KLHL3: variants seen among roughly 807,000 people sequenced by gnomAD.
KLHL3 encodes the protein kelch-like protein 3.
KLHL3 carries 19 observed loss-of-function variants against 70.5 expected under a neutral mutation model. The observed-to-expected ratio is 0.27, with a 90% CI of 0.19 to 0.40. The LOEUF is 0.40. Ranked by LOEUF, KLHL3 falls within the 10% of genes least tolerant of loss-of-function variation. The pLI, the probability that KLHL3 is intolerant of heterozygous loss-of-function variation, is 1.00. For missense variants in KLHL3, 512 were observed against 771.1 expected (o/e 0.66, Z 3.98); for synonymous variants, 258 against 290.3 (o/e 0.89, Z 1.13).
chr5:137,650,267 G>A (rs934666723), intron 8 of KLHL3, among the ~76,000 whole-genome samples: 8 of 152,290 alleles, frequency 5.3e-5, no homozygotes, highest in Non-Finnish European at 1.0e-4. Context: ...TGGAGACACA[G>A]CTCCTGTCAG....
intron 6 of KLHL3, among the ~76,000 whole-genome samples, chr5:137,665,077 T>G (rs527958771): frequency 6.6e-6 from 1 of 152,214 alleles, no homozygotes; most frequent in East Asian, 1.9e-4. Flanking sequence ...ATAACCTGAA[T>G]CTTACGGTGA....
Position 137,639,931 on chromosome 5 carries a change from A to G in KLHL3, c.950T>C (p.Val317Ala). 6.2e-7 allele frequency: 1 copy of G among 1,614,186 alleles called. No homozygotes were observed. The highest frequency in any genetic ancestry group is 8.5e-7 in the Non-Finnish European group (1 of 1,180,028). Residue 317 changes from valine to alanine, a missense_variant, in exon 9 of 15, where the codon GTG (valine) becomes GCG (alanine). Transcript: ENST00000309755. The surrounding 1 kb of genome is among the most constrained non-coding windows in gnomAD (Gnocchi z 5.0). ...GGQAPKAIRS[V>A]ECYDFEEDRW... is the part of the protein sequence containing the mutation. ...GTCCTCCTCGAAATCATAGCACTCC[A>G]CACTGCGGATTGCCTTGGGTGCCTG...
chr5:137,673,682 C>T (rs1303916337), intron 6 of KLHL3: 1 of 152,222 alleles, frequency 6.6e-6, no homozygotes, highest in African/African-American at 2.4e-5. Flanking sequence ...TACCTCAATC[C>T]CTTGGGGGAC....
chr5:137,700,942 G>A (rs1752554172), intron 3 of KLHL3, among the ~76,000 whole-genome samples: 1 of 152,110 alleles, frequency 6.6e-6, no homozygotes, highest in South Asian at 2.1e-4. Flanking sequence ...GTACACTAAT[G>A]TGTATCTGAC....
intron 8 of KLHL3, chr5:137,647,777 C>A: frequency 2.8e-6 from 1 of 358,590 alleles, no homozygotes; most frequent in South Asian, 2.1e-5. Flanking sequence ...GGTCTGAGAA[C>A]CAGGTAATAT....
At position 137,627,474 on chromosome 5, in the gene KLHL3, A is replaced by ACCCCCCCCCCCCC. The variant is rs1215063936; in HGVS notation, c.1591+822_1591+823insGGGGGGGGGGGGG. Reference sequence around the variant, plus strand: ...GGCAATGAGTAAATTAGTAAATATCACCACCCCCCCCCCCGGTTTACACTT... The same window carrying ACCCCCCCCCCCCC: ...GGCAATGAGTAAATTAGTAAATATCACCCCCCCCCCCCCCCACCCCCCCCCCCGGTTTACACTT... On this transcript the variant is annotated intron_variant, in intron 13 of 14. Coordinates refer to ENST00000309755, the MANE Select transcript of KLHL3 (RefSeq NM_017415.3). Among the ~76,000 whole-genome samples the ACCCCCCCCCCCCC allele has an allele frequency of 1.7e-4, 9 of 53,070 alleles. 4 individuals are homozygous for ACCCCCCCCCCCCC. The highest frequency in any genetic ancestry group is 3.9e-4 in the Non-Finnish European group (9 of 22,962). The allele number at this position is 53,070 out of a possible 152,430, so 34.8% of individuals were successfully genotyped here. A position where few individuals can be genotyped will look rare whatever the true frequency, so the allele number is the denominator to read the frequency against.
intron 6 of KLHL3, among the ~76,000 whole-genome samples, chr5:137,669,009 C>A (rs530154722): frequency 1.3e-5 from 2 of 152,256 alleles, no homozygotes. Flanking sequence ...CCATTTCACA[C>A]AACACTTAAA....
chr5:137,637,713 G>C (rs890198074), intron 10 of KLHL3, among the ~76,000 whole-genome samples: 24 of 152,196 alleles, frequency 1.6e-4, no homozygotes, highest in Admixed American at 1.6e-3. Context: ...ACCTGAGGTA[G>C]CCTCACTGAA....
At position 137,618,385 on chromosome 5, in the gene KLHL3, T is replaced by C. The variant is rs1756284060; in HGVS notation, c.*3713A>G. ...AACCATGATGCAAATGGCAGATAAATACACAAAACAGAGCCTGGAGTAGAG... is the reference window on the plus strand; with the variant it reads ...AACCATGATGCAAATGGCAGATAAACACACAAAACAGAGCCTGGAGTAGAG... On this transcript the variant is annotated 3_prime_UTR_variant, in exon 15 of 15. Coordinates refer to ENST00000309755, the MANE Select transcript of KLHL3 (RefSeq NM_017415.3). 6.6e-6 allele frequency: 1 copy of C among 152,018 alleles called. No individual in the cohort carries two copies. The allele number at this position is 152,018 out of a possible 1,614,324, so 9.4% of individuals were successfully genotyped here.
intron 6 of KLHL3, among the ~76,000 whole-genome samples, chr5:137,675,629 G>A (rs79432330): frequency 0.011 from 1,710 of 152,202 alleles, 33 homozygotes; most frequent in African/African-American, 0.039. Context: ...GTTTGCCTGC[G>A]TCCAGAGCCC....
At chr5:137,622,600 C>A (rs1750341259) in intron 14 of KLHL3, among the ~76,000 whole-genome samples, 1 of 152,238 alleles carries the variant, frequency 6.6e-6, no homozygotes, top group Non-Finnish European at 1.5e-5. Context: ...CTAGCTCTGC[C>A]ACCAGTCAAC....
chr5:137,691,828 C>A (rs536784020), intron 5 of KLHL3, among the ~76,000 whole-genome samples: 1 of 151,760 alleles, frequency 6.6e-6, no homozygotes, highest in Non-Finnish European at 1.5e-5. Flanking sequence ...CCGTGTTAGC[C>A]AGGATAGTCT....
intron 3 of KLHL3, among the ~76,000 whole-genome samples, chr5:137,699,579 C>T (rs780993416): frequency 4.6e-5 from 7 of 152,124 alleles, no homozygotes; most frequent in East Asian, 1.9e-4. Flanking sequence ...CTGTAAATAA[C>T]GGCAATAGCA....
chr5:137,728,266 C>G (rs1753116089), intron 1 of KLHL3, among the ~76,000 whole-genome samples: 1 of 152,302 alleles, frequency 6.6e-6, no homozygotes, highest in Middle Eastern at 3.4e-3. Flanking sequence ...TGTGAGCTCT[C>G]CATGAGAACC....
intron 1 of KLHL3, among the ~76,000 whole-genome samples, chr5:137,723,215 A>G (rs962342721): frequency 3.9e-5 from 6 of 152,328 alleles, no homozygotes; most frequent in African/African-American, 1.4e-4. Context: ...TCTGACAGGG[A>G]AAGTCCCCAG....
chr5:137,653,669 T>C (rs572874270), intron 8 of KLHL3, among the ~76,000 whole-genome samples: 7 of 152,350 alleles, frequency 4.6e-5, no homozygotes, highest in African/African-American at 1.4e-4. Flanking sequence ...CATAATAGTA[T>C]AGCCATTTTA....
intron 8 of KLHL3, among the ~76,000 whole-genome samples, chr5:137,643,846 C>G (rs1750977716): frequency 6.6e-6 from 1 of 152,130 alleles, no homozygotes; most frequent in Non-Finnish European, 1.5e-5. Context: ...TCCTCTCTAA[C>G]TGTAACACAG....
chr5:137,685,449 T>C (rs1351840509), intron 5 of KLHL3, among the ~76,000 whole-genome samples: 1 of 152,202 alleles, frequency 6.6e-6, no homozygotes, highest in Non-Finnish European at 1.5e-5. Flanking sequence ...CTTTCTGTTG[T>C]GTAAGTTAAA....
At chr5:137,661,734 T>G (rs1403864248) in intron 7 of KLHL3, 181 bp downstream of exon 7, 2 of 508,326 alleles carry the variant, frequency 3.9e-6, no homozygotes, top group Non-Finnish European at 6.9e-6. Context: ...AAGTGTCCTA[T>G]TTTCAAGCCT....
Sources: allele counts gnomAD v4.1 joint callset (sites outside exome capture counted in the v4.1 genomes callset), GRCh38; gene constraint gnomAD v4.1.1; non-coding constraint Gnocchi (gnomAD v3.1); transcripts MANE v1.5; gene names NCBI Gene and HGNC (gene_info 2026-07-23, HGNC 2026-07-21).